Variants in IKBKE observed in about 807,000 individuals in gnomAD.
The protein encoded by IKBKE is inhibitor of nuclear factor kappa-B kinase subunit epsilon.
Under a neutral mutation model 92.1 loss-of-function variants are expected in IKBKE, and 45 were observed. That is an observed-to-expected ratio of 0.49 (90% CI 0.38 to 0.63). The LOEUF is 0.63. Among genes scored for constraint, IKBKE ranks in the 20% least tolerant of loss-of-function variants. The probability of loss-of-function intolerance (pLI) is 0.00; values close to 1 mark genes in which losing one functional copy is unlikely to be tolerated. For missense variants in IKBKE, 700 were observed against 932.8 expected (o/e 0.75, Z 3.25); for synonymous variants, 374 against 380.3 (o/e 0.98, Z 0.19).
In IKBKE at chr1:206,474,321, C is replaced by A. The variant is rs782463229; in HGVS notation, c.88-10C>A. 1 of 1,609,794 alleles carries A rather than the reference C, an allele frequency of 6.2e-7. No individual in the cohort carries two copies. The highest frequency in any genetic ancestry group is 8.5e-7 in the Non-Finnish European group (1 of 1,177,434). On this transcript the variant is annotated splice_polypyrimidine_tract_variant and intron_variant, in intron 3 of 21. Transcript: ENST00000581977. The stretch of plus-strand genomic sequence containing the variant: ...CATGCTGTCTCCCACTGCTCCCTCC[C>A]CAATGGCAGAAATCCGGAGAGCTGG...
chr1:206,491,042 A>G, intron 17 of IKBKE, 184 bp downstream of exon 17: 2 of 634,046 alleles, frequency 3.2e-6, no homozygotes, highest in Non-Finnish European at 5.7e-6. Flanking sequence ...TTGGAGGGAG[A>G]CTTCTCAGAT....
chr1:206,490,718 G>C lies in IKBKE; in HGVS notation c.1694-101G>C, dbSNP rs1553390088. 8.1e-7 allele frequency: 1 copy of C among 1,232,324 alleles called. No individual in the cohort carries two copies. The highest frequency in any genetic ancestry group is 1.7e-5 in the Admixed American group (1 of 58,304). 76.3% of individuals were successfully genotyped at this position (1,232,324 alleles called of 1,614,324 possible). The stretch of plus-strand genomic sequence containing the variant: ...CGGTGAGTTCCCGTGAAGCAGCACA[G>C]GCTGGGCCGTCTTCATCTTTTAACT... On this transcript the variant is annotated intron_variant, in intron 16 of 21. Coordinates refer to ENST00000581977, the MANE Select transcript of IKBKE (RefSeq NM_014002.4). The surrounding 1 kb of genome is among the most constrained non-coding windows in gnomAD (Gnocchi z 5.2).
chr1:206,494,942 CAG>C (rs1302723989), intron 21 of IKBKE, among the ~76,000 whole-genome samples: 3 of 130,326 alleles, frequency 2.3e-5, no homozygotes, highest in African/African-American at 8.8e-5. Flanking sequence ...TCGAGAACAA[CAG>C]AGTTACCAGC....
chr1:206,493,853 C>T, intron 20 of IKBKE, 67 bp from the exon 21 acceptor site: 1 of 1,318,980 alleles, frequency 7.6e-7, no homozygotes, highest in Non-Finnish European at 1.1e-6. Context: ...GGTGGGCCTC[C>T]CAGGAAAAGG....
Position 206,487,510 on chromosome 1 carries a change from C to G in IKBKE, c.1617-404C>G, listed in dbSNP as rs187408317. 6.6e-6 allele frequency among the ~76,000 whole-genome samples: 1 copy of G among 152,182 alleles called. No individual in the cohort carries two copies. Among genetic ancestry groups the G allele is most frequent in the Non-Finnish European group, 1.5e-5 (1 of 68,034 alleles). ...CCAGTTGACCAGAGAGAGATTTTAG[C>G]TCCCCTCTATCCCCAGCTGTCACTG... is the stretch of plus-strand genomic sequence containing the variant. On this transcript the variant is annotated intron_variant, in intron 15 of 21. Transcript: ENST00000581977. The surrounding 1 kb of genome is among the most constrained non-coding windows in gnomAD (Gnocchi z 5.3).
At position 206,476,870 on chromosome 1, in the gene IKBKE, G is replaced by A. The variant is rs780259308; in HGVS notation, c.701+32G>A. ...TGGGCCACAGGGCAGGGAATGGGGC[G>A]GACTGGCAGTCCCCTGGCCCTTCCC... is the stretch of plus-strand genomic sequence containing the variant. On this transcript the variant is annotated intron_variant, in intron 7 of 21. Transcript: ENST00000581977. The surrounding 1 kb of genome is among the most constrained non-coding windows in gnomAD (Gnocchi z 5.1). 93 of 1,611,502 alleles carry A rather than the reference G, an allele frequency of 5.8e-5. No homozygotes were observed. The highest frequency in any genetic ancestry group is 6.7e-5 in the Non-Finnish European group (79 of 1,178,056).
chr1:206,494,672 C>T (rs577381098), intron 21 of IKBKE, among the ~76,000 whole-genome samples: 2 of 120,822 alleles, frequency 1.7e-5, no homozygotes, highest in African/African-American at 3.2e-5. Flanking sequence ...GGTACTGTGT[C>T]GGCTCACTGC....
In IKBKE at chr1:206,471,970, G is replaced by T. The variant is rs138355250; in HGVS notation, c.-33+725G>T. On this transcript the variant is annotated intron_variant, in intron 2 of 21. Coordinates refer to ENST00000581977, the MANE Select transcript of IKBKE (RefSeq NM_014002.4). ...TATTTAAAAGTATTTAAGTGGCCAG[G>T]CATGGTGGCTCACACCTGTAATCCC... Among the ~76,000 whole-genome samples the T allele has an allele frequency of 3.9e-3, 599 of 152,348 alleles. 1 individual carries two copies. The highest frequency in any genetic ancestry group is 0.013 in the African/African-American group (557 of 41,580).
At chr1:206,494,790 G>A (rs1195637860) in intron 21 of IKBKE, among the ~76,000 whole-genome samples, 1 of 151,014 alleles carries the variant, frequency 6.6e-6, no homozygotes, top group Admixed American at 6.6e-5. Context: ...TTTTAGTAGA[G>A]ACAGGGTTTC....
intron 21 of IKBKE, among the ~76,000 whole-genome samples, chr1:206,494,377 A>G (rs1666110779): frequency 6.6e-6 from 1 of 152,076 alleles, no homozygotes; most frequent in African/African-American, 2.4e-5. Flanking sequence ...CACAGCGCAG[A>G]CACCTTGGAT....
rs782706664 is a variant in IKBKE, at chr1:206,492,738, C to T, written c.1836-285C>T. 1.6e-4 allele frequency: 95 copies of T among 579,984 alleles called. 1 individual carries two copies. Among genetic ancestry groups the T allele is most frequent in the Non-Finnish European group, 2.6e-4 (78 of 296,892 alleles). 35.9% of individuals were successfully genotyped at this position (579,984 alleles called of 1,614,324 possible). A position where few individuals can be genotyped will look rare whatever the true frequency, so the allele number is the denominator to read the frequency against. On this transcript the variant is annotated intron_variant, in intron 18 of 21. Coordinates refer to ENST00000581977, the MANE Select transcript of IKBKE (RefSeq NM_014002.4). ...TCTGCAGCCTGACTGGTGCCACGCT[C>T]ACCATAGGTGGCATGCGTCACCCAG...
Position 206,490,772 on chromosome 1 carries a change from C to T in IKBKE, c.1694-47C>T, listed in dbSNP as rs1553390103. ...TCTCGACCTTTGCTGCACACTGTTT[C>T]GTTGACTGATTGAATAGGTGACATC... On this transcript the variant is annotated intron_variant, in intron 16 of 21. Coordinates refer to ENST00000581977, the MANE Select transcript of IKBKE (RefSeq NM_014002.4). This position sits in a 1 kb window ranked among gnomAD's most constrained non-coding sequence, Gnocchi z 5.2. 1.9e-6 allele frequency: 3 copies of T among 1,593,236 alleles called. No homozygotes were observed. The highest frequency in any genetic ancestry group is 1.3e-5 in the African/African-American group (1 of 74,516).
At chr1:206,492,554 G>T (rs782431472) in intron 18 of IKBKE, 35 of 471,562 alleles carry the variant, frequency 7.4e-5, no homozygotes, top group African/African-American at 6.4e-4. Flanking sequence ...AATGTGTGGC[G>T]AGGGCTGACC....
At chr1:206,473,681 C>T (rs559057088) in intron 3 of IKBKE, among the ~76,000 whole-genome samples, 9 of 151,994 alleles carry the variant, frequency 5.9e-5, no homozygotes, top group South Asian at 2.1e-4. Flanking sequence ...GAGTGGTAGC[C>T]GGCCGGGCAC....
rs2103472569 is a variant in IKBKE at position 206,485,265 on chromosome 1, G to A, written c.1575G>A (p.Arg525=). ...ETQESLSSLN[R]ELVKSRDQVH... ...AGGAGAGCCTGAGCAGCCTGAACCG[G>A]GAGCTGGTGAAGAGCCGGGATCAGG... is the stretch of plus-strand genomic sequence containing the variant. The change falls in exon 15 of 22, where the codon CGG becomes CGA. Residue 525 remains arginine, a synonymous_variant. Transcript: ENST00000581977. The surrounding 1 kb of genome is among the most constrained non-coding windows in gnomAD (Gnocchi z 5.0). 6.2e-7 allele frequency: 1 copy of A among 1,613,944 alleles called. No individual in the cohort carries two copies. Among genetic ancestry groups the A allele is most frequent in the Non-Finnish European group, 8.5e-7 (1 of 1,179,764 alleles).
chr1:206,473,960 CA>C (rs58205740), intron 3 of IKBKE, among the ~76,000 whole-genome samples: 5,966 of 62,244 alleles, frequency 0.096, 163 homozygotes, highest in African/African-American at 0.28. Context: ...GGCTCCGTCT[CA>C]AAAAAAAAAA....
At position 206,473,279 on chromosome 1, in the gene IKBKE, G is replaced by A; in HGVS notation, c.52G>A (p.Gly18Arg). The A allele has an allele frequency of 8.1e-6, 13 of 1,613,006 alleles. No individual in the cohort carries two copies. Among genetic ancestry groups the A allele is most frequent in the Non-Finnish European group, 1.1e-5 (13 of 1,179,606 alleles). Residue 18 changes from glycine to arginine, a missense_variant, in exon 3 of 22, where the codon GGG becomes AGG. Gly to Arg is a moderately radical substitution (Grantham distance 125, BLOSUM62 -2). Transcript: ENST00000581977. Reference protein sequence around the residue: ...LWHTDDLLGQGATASVYKARN... With the variant: ...LWHTDDLLGQRATASVYKARN... ...GCACACAGATGACCTGCTGGGGCAGGGGGCCACTGCCAGTGTGTACAAGGC... is the reference window on the plus strand; with the variant it reads ...GCACACAGATGACCTGCTGGGGCAGAGGGCCACTGCCAGTGTGTACAAGGC...
chr1:206,493,624 G>A (rs1296066894), intron 20 of IKBKE, among the ~76,000 whole-genome samples: 2 of 152,120 alleles, frequency 1.3e-5, no homozygotes, highest in East Asian at 1.9e-4. Flanking sequence ...CCCCATCTCT[G>A]GTAAAAATAC....
intron 2 of IKBKE, 175 bp from the exon 3 acceptor site, chr1:206,473,021 T>C: frequency 1.7e-6 from 1 of 582,802 alleles, no homozygotes; most frequent in Non-Finnish European, 3.1e-6. Context: ...GTGCGTCCTT[T>C]TGGGGAAGTT....
Sources: allele counts gnomAD v4.1 joint callset (sites outside exome capture counted in the v4.1 genomes callset), GRCh38; gene constraint gnomAD v4.1.1; non-coding constraint Gnocchi (gnomAD v3.1); transcripts MANE v1.5; gene names NCBI Gene and HGNC (gene_info 2026-07-23, HGNC 2026-07-21).